The following EPHA6 variants were observed in gnomAD, a reference collection of about 807,000 sequenced individuals.
EPHA6 encodes EPH receptor A6, also known as ephrin type-A receptor 6.
EPHA6 carries 50 observed loss-of-function variants against 112.0 expected under a neutral mutation model. The ratio of observed to expected loss-of-function variants is 0.45; its 90% CI spans 0.36 to 0.56. EPHA6 has a LOEUF of 0.56. EPHA6 is among the 20% of genes least tolerant of loss of function. EPHA6 has a pLI of 0.00. For synonymous variants in EPHA6, 529 were observed against 490.7 expected (o/e 1.08, Z -1.03); for missense variants, 1,280 against 1,417.4 (o/e 0.90, Z 1.56).
chr3:97,654,172 A>T (rs1402624438), intron 14 of EPHA6, among the ~76,000 whole-genome samples: 1 of 151,946 alleles, frequency 6.6e-6, no homozygotes, highest in Non-Finnish European at 1.5e-5. Flanking sequence ...TGAGGTGATA[A>T]ATATGTTACC....
rs1434806682 is a variant in EPHA6, at chr3:96,884,349, A to T, written c.450+17460A>T. Among the ~76,000 whole-genome samples, 3 of 152,160 alleles carry T rather than the reference A, an allele frequency of 2.0e-5. No individual in the cohort carries two copies. The East Asian group carries it at 5.8e-4, about 29-fold the overall frequency. On this transcript the variant is annotated intron_variant, in intron 2 of 17. Transcript: ENST00000389672. The stretch of plus-strand genomic sequence containing the variant: ...ACAATATTGATTCTACCCATCCATG[A>T]GCACGGGATGTGTTTCCATTCATTT...
Position 96,974,793 on chromosome 3 carries a change from CA to C in EPHA6, c.451-12536del, listed in dbSNP as rs375284992. On this transcript the variant is annotated intron_variant, in intron 2 of 17. Transcript: ENST00000389672. Reference sequence around the variant, plus strand: ...TAAGCAAGAATCAGCTGTCCTTTGACAGGATGCCAGGAGGAATGTCTTAAGA... The same window carrying C: ...TAAGCAAGAATCAGCTGTCCTTTGACGGATGCCAGGAGGAATGTCTTAAGA... Among the ~76,000 whole-genome samples the C allele has an allele frequency of 1.1e-4, 16 of 152,216 alleles. No individual in the cohort carries two copies. In the East Asian group the frequency reaches 3.1e-3, roughly 29 times the overall value.
At chr3:96,928,052 T>C (rs974464140) in intron 2 of EPHA6, among the ~76,000 whole-genome samples, 1 of 152,196 alleles carries the variant, frequency 6.6e-6, no homozygotes, top group African/African-American at 2.4e-5. Context: ...ACTCAGTCAC[T>C]GTCAGGAGAA....
intron 5 of EPHA6, among the ~76,000 whole-genome samples, chr3:97,362,607 C>A (rs2084434306): frequency 6.6e-6 from 1 of 151,874 alleles, no homozygotes; most frequent in African/African-American, 2.4e-5. Context: ...AATGTTGGAA[C>A]CTTAATATAT....
chr3:96,941,962 C>T (rs980095182), intron 2 of EPHA6, among the ~76,000 whole-genome samples: 1 of 152,166 alleles, frequency 6.6e-6, no homozygotes, highest in South Asian at 2.1e-4. Context: ...GCTGCCTGAT[C>T]GTTGCTCTGG....
rs370019749 is a variant in EPHA6, at chr3:97,751,486, CAT to C, written c.*2786_*2787del. On this transcript the variant is annotated 3_prime_UTR_variant, in exon 18 of 18. Coordinates refer to ENST00000389672, the MANE Select transcript of EPHA6 (RefSeq NM_001080448.3). ...CATTATGGTTATGGCAACATTGAAA[CAT>C]GTGTGCAAGATTAAACAGAAACATT... Among the ~76,000 whole-genome samples the C allele has an allele frequency of 7.4e-4, 113 of 152,106 alleles. No individual in the cohort carries two copies. Among genetic ancestry groups the C allele is most frequent in the African/African-American group, 2.2e-3 (93 of 41,528 alleles).
At chr3:96,876,185 G>T (rs1303673178) in intron 2 of EPHA6, among the ~76,000 whole-genome samples, 1 of 149,678 alleles carries the variant, frequency 6.7e-6, no homozygotes, top group Non-Finnish European at 1.5e-5. Context: ...GTGCAGACTG[G>T]TCTCAAACTC....
At chr3:97,190,069 G>A (rs1559786446) in intron 3 of EPHA6, among the ~76,000 whole-genome samples, 1 of 152,012 alleles carries the variant, frequency 6.6e-6, no homozygotes, top group Non-Finnish European at 1.5e-5. Context: ...TATAGATAGT[G>A]GATACAGTAG....
intron 3 of EPHA6, among the ~76,000 whole-genome samples, chr3:97,028,117 T>G (rs2044705463): frequency 6.6e-6 from 1 of 152,150 alleles, no homozygotes; most frequent in Admixed American, 6.6e-5. Flanking sequence ...GGATTAACAA[T>G]ACTTGACTGG....
chr3:97,004,387 A>T (rs1034794820), intron 3 of EPHA6, among the ~76,000 whole-genome samples: 1 of 152,134 alleles, frequency 6.6e-6, no homozygotes, highest in Non-Finnish European at 1.5e-5. Context: ...CATTTCTCTG[A>T]TAATCAATGC....
chr3:97,738,264 C>A (rs559249896), intron 16 of EPHA6, among the ~76,000 whole-genome samples: 1 of 151,586 alleles, frequency 6.6e-6, no homozygotes, highest in African/African-American at 2.4e-5. Context: ...CTTGGTCATG[C>A]TGTAGTATTG....
intron 11 of EPHA6, among the ~76,000 whole-genome samples, chr3:97,591,379 G>T (rs2093542914): frequency 6.6e-6 from 1 of 152,102 alleles, no homozygotes; most frequent in African/African-American, 2.4e-5. Flanking sequence ...CTTATTTTTG[G>T]TGGAGAATTT....
intron 12 of EPHA6, among the ~76,000 whole-genome samples, chr3:97,608,158 A>G (rs1191251211): frequency 1.3e-5 from 2 of 151,214 alleles, no homozygotes; most frequent in African/African-American, 4.8e-5. Flanking sequence ...AAAATACAAA[A>G]GATTAAGAGT....
chr3:97,190,944 T>C (rs1458335167), intron 3 of EPHA6, among the ~76,000 whole-genome samples: 1 of 152,118 alleles, frequency 6.6e-6, no homozygotes, highest in Non-Finnish European at 1.5e-5. Flanking sequence ...AGAATAATTA[T>C]TATAGTTACT....
intron 3 of EPHA6, among the ~76,000 whole-genome samples, chr3:97,099,359 G>A (rs1310825403): frequency 1.3e-5 from 2 of 151,776 alleles, no homozygotes; most frequent in Non-Finnish European, 2.9e-5. Context: ...TTTAAGAACT[G>A]ATTTTGTGGG....
chr3:97,422,677 C>G (rs987805693), intron 6 of EPHA6, among the ~76,000 whole-genome samples: 1 of 152,076 alleles, frequency 6.6e-6, no homozygotes, highest in African/African-American at 2.4e-5. Flanking sequence ...AGAAGTTCAG[C>G]CATAAAGCAA....
At chr3:97,661,636 A>G (rs922532299) in intron 14 of EPHA6, among the ~76,000 whole-genome samples, 1 of 152,278 alleles carries the variant, frequency 6.6e-6, no homozygotes, top group Non-Finnish European at 1.5e-5. Context: ...AATGGTAATT[A>G]TTGAATCTTA....
At chr3:97,532,260 C>A in intron 10 of EPHA6, 98 bp from the exon 11 acceptor site, 2 of 1,013,142 alleles carry the variant, frequency 2.0e-6, no homozygotes, top group Non-Finnish European at 2.9e-6. Context: ...ACTTAAGAGT[C>A]ATTATGTGAA....
In EPHA6 at chr3:97,736,464, AGAGAGAGTGT is replaced by A. The variant is rs796187623; in HGVS notation, c.3128+348_3128+357del. Among the ~76,000 whole-genome samples, 399 of 143,308 alleles carry A rather than the reference AGAGAGAGTGT, an allele frequency of 2.8e-3. 1 individual carries two copies. Among genetic ancestry groups the A allele is most frequent in the Middle Eastern group, 0.01 (3 of 290 alleles). The allele number at this position is 143,308 out of a possible 152,430, so 94.0% of individuals were successfully genotyped here. A position where few individuals can be genotyped will look rare whatever the true frequency, so the allele number is the denominator to read the frequency against. On this transcript the variant is annotated intron_variant, in intron 16 of 17. Transcript: ENST00000389672. ...TTTAGAAGTAGAGAGAGAGAGAGAG[AGAGAGAGTGT>A]GTGTGTGTGTGTGTGTGTGTGTGTG...
Sources: allele counts gnomAD v4.1 joint callset (sites outside exome capture counted in the v4.1 genomes callset), GRCh38; gene constraint gnomAD v4.1.1; transcripts MANE v1.5; gene names NCBI Gene and HGNC (gene_info 2026-07-23, HGNC 2026-07-21).